The following IRAK3 variants were observed in gnomAD, a reference collection of about 807,000 sequenced individuals.
IRAK3 encodes interleukin-1 receptor-associated kinase 3.
In IRAK3, 57 loss-of-function variants were observed where a neutral mutation model predicts 56.6. That is an observed-to-expected ratio of 1.01 (90% CI 0.81 to 1.26). The LOEUF is 1.26. Ranked by LOEUF, IRAK3 falls within the 50% of genes most tolerant of loss-of-function variation. The pLI, the probability that IRAK3 is intolerant of heterozygous loss-of-function variation, is 0.00. For synonymous variants in IRAK3, 258 were observed against 255.7 expected, an observed-to-expected ratio of 1.01 and a Z score of -0.09; for missense variants, 703 against 719.0, an observed-to-expected ratio of 0.98 and a Z score of 0.25.
chr12:66,206,261 C>T (rs752057593), intron 2 of IRAK3, among the ~76,000 whole-genome samples: 1 of 152,124 alleles, frequency 6.6e-6, no homozygotes, highest in Non-Finnish European at 1.5e-5. Flanking sequence ...CTGGCTAGAA[C>T]CTTTAGCATG....
In IRAK3 at chr12:66,254,416, T is replaced by C. The variant is rs984497469; in HGVS notation, c.*6245T>C. 3 of 152,184 alleles carry C rather than the reference T, an allele frequency of 2.0e-5. No individual in the cohort carries two copies. The East Asian group carries it at 5.8e-4, about 29-fold the overall frequency. 9.4% of individuals were successfully genotyped at this position (152,184 alleles called of 1,614,324 possible). A position where few individuals can be genotyped will look rare whatever the true frequency, so the allele number is the denominator to read the frequency against. Reference sequence around the variant, plus strand: ...CAAAAAGTAGACTACAGGATATATGTTGAATATGAGCTCATTTATAACATT... The same window carrying C: ...CAAAAAGTAGACTACAGGATATATGCTGAATATGAGCTCATTTATAACATT... On this transcript the variant is annotated 3_prime_UTR_variant, in exon 12 of 12. Coordinates refer to ENST00000261233, the MANE Select transcript of IRAK3 (RefSeq NM_007199.3).
Position 66,244,503 on chromosome 12 carries a change from A to G in IRAK3, c.905A>G (p.Asp302Gly). 1 of 1,613,972 alleles carries G rather than the reference A, an allele frequency of 6.2e-7. No homozygotes were observed. The highest frequency in any genetic ancestry group is 8.5e-7 in the Non-Finnish European group (1 of 1,179,866). The change falls in exon 9 of 12, where the codon GAT becomes GGT. Residue 302 changes from aspartate (D) to glycine (G), a missense_variant. Asp to Gly is a moderately conservative substitution (Grantham distance 94, BLOSUM62 -1). Transcript: ENST00000261233. ...AATTTTAGTGCAAACATCCTTTTGG[A>G]TGATCAGTTTCAACCCAAACTAACT... is the stretch of plus-strand genomic sequence containing the variant. Reference protein sequence around the residue: ...GSISSANILLDDQFQPKLTDF... With the variant: ...GSISSANILLGDQFQPKLTDF...
At chr12:66,217,322 G>A (rs527912258) in intron 6 of IRAK3, 87 bp downstream of exon 6, 14 of 975,758 alleles carry the variant, frequency 1.4e-5, no homozygotes, top group Middle Eastern at 2.1e-4. Flanking sequence ...AGAGCTTGGC[G>A]TGACATGTAA....
intron 8 of IRAK3, among the ~76,000 whole-genome samples, chr12:66,232,756 T>C (rs1023338459): frequency 1.6e-4 from 24 of 152,174 alleles, no homozygotes; most frequent in African/African-American, 5.5e-4. Context: ...TCTAAATCTA[T>C]GTAAGGGAAG....
chr12:66,200,760 G>T (rs2052499264), intron 1 of IRAK3, among the ~76,000 whole-genome samples: 1 of 152,036 alleles, frequency 6.6e-6, no homozygotes, highest in Admixed American at 6.6e-5. Flanking sequence ...TATTATAACT[G>T]GTGTAGAAAC....
intron 5 of IRAK3, among the ~76,000 whole-genome samples, chr12:66,214,113 G>A (rs1382466077): frequency 1.3e-5 from 2 of 152,164 alleles, no homozygotes; most frequent in Non-Finnish European, 2.9e-5. Flanking sequence ...TATTAAGTCT[G>A]TGGGTGATTT....
At chr12:66,234,263 A>G (rs1041255112) in intron 8 of IRAK3, 4 of 1,613,302 alleles carry the variant, frequency 2.5e-6, no homozygotes, top group Non-Finnish European at 3.4e-6. Context: ...CAGATGACTC[A>G]TCTGCTGGGC....
intron 3 of IRAK3, 70 bp from the exon 4 acceptor site, chr12:66,210,077 T>A (rs2052596756): frequency 2.0e-6 from 2 of 1,008,466 alleles, no homozygotes; most frequent in Non-Finnish European, 3.2e-6. Context: ...GAGCTTTGGA[T>A]TTGTGTTGAG....
chr12:66,244,640 C>G lies in IRAK3; in HGVS notation c.1042C>G (p.Gln348Glu). 1 of 1,613,934 alleles carries G rather than the reference C, an allele frequency of 6.2e-7. No individual in the cohort carries two copies. Among genetic ancestry groups the G allele is most frequent in the Non-Finnish European group, 8.5e-7 (1 of 1,179,922 alleles). The change falls in exon 9 of 12, where the codon CAG becomes GAG. Residue 348 changes from glutamine (Q) to glutamate (E), a missense_variant. Physicochemically the swap from Gln to Glu is conservative, Grantham distance 29 (BLOSUM62 2). Coordinates refer to ENST00000261233, the MANE Select transcript of IRAK3 (RefSeq NM_007199.3). ...GTACATGCCAGAAGAGTACATCAGA[C>G]AGGGGAAACTTTCCATTAAAACAGA... ...LWYMPEEYIR[Q>E]GKLSIKTDVY...
chr12:66,217,285 C>A, intron 6 of IRAK3, 50 bp downstream of exon 6: 1 of 1,322,956 alleles, frequency 7.6e-7, no homozygotes, highest in Non-Finnish European at 1.1e-6. Flanking sequence ...TGGGTTTCAT[C>A]TCTGTTCATT....
intron 6 of IRAK3, among the ~76,000 whole-genome samples, chr12:66,223,340 T>C (rs2052754006): frequency 6.6e-6 from 1 of 152,156 alleles, no homozygotes; most frequent in Non-Finnish European, 1.5e-5. Flanking sequence ...CCAGATTTTA[T>C]GTTATAGTTT....
At chr12:66,224,149 A>G (rs2052763286) in intron 6 of IRAK3, among the ~76,000 whole-genome samples, 1 of 152,238 alleles carries the variant, frequency 6.6e-6, no homozygotes, top group Non-Finnish European at 1.5e-5. Flanking sequence ...CCCTGTTTCA[A>G]GTGCTTTACA....
chr12:66,242,337 A>G (rs1021445882), intron 8 of IRAK3, among the ~76,000 whole-genome samples: 11 of 152,174 alleles, frequency 7.2e-5, no homozygotes, highest in African/African-American at 2.4e-4. Context: ...CTCAGACTTG[A>G]TCTGATCCAT....
intron 1 of IRAK3, among the ~76,000 whole-genome samples, chr12:66,194,777 C>T (rs578101342): frequency 1.0e-4 from 15 of 149,452 alleles, no homozygotes; most frequent in East Asian, 2.0e-4. Context: ...TGCAGTGAGC[C>T]GGGATCACAC....
intron 8 of IRAK3, 95 bp downstream of exon 8, chr12:66,228,465 GGTAT>G: frequency 1.2e-6 from 1 of 852,672 alleles, no homozygotes; most frequent in East Asian, 2.4e-5. Context: ...TAGTTCTCCT[GGTAT>G]GTATGTGTGT....
intron 8 of IRAK3, among the ~76,000 whole-genome samples, chr12:66,237,808 G>C (rs1222311904): frequency 6.6e-6 from 1 of 152,218 alleles, no homozygotes; most frequent in Non-Finnish European, 1.5e-5. Context: ...AAGAATATGG[G>C]AGGATGTTTT....
chr12:66,225,527 G>A (rs2052777141), intron 6 of IRAK3, among the ~76,000 whole-genome samples: 2 of 152,026 alleles, frequency 1.3e-5, no homozygotes, highest in Middle Eastern at 3.4e-3. Flanking sequence ...TGAATAATAG[G>A]TTTTTATAAA....
chr12:66,250,366 AAAG>A lies in IRAK3; in HGVS notation c.*2201_*2203del, dbSNP rs774538668. 7 of 152,342 alleles carry A rather than the reference AAAG, an allele frequency of 4.6e-5. No individual in the cohort carries two copies. Among genetic ancestry groups the A allele is most frequent in the Non-Finnish European group, 8.8e-5 (6 of 68,026 alleles). 9.4% of individuals were successfully genotyped at this position (152,342 alleles called of 1,614,324 possible). ...ATTCCATGTTGAAGAACAACTAATC[AAAG>A]AAGAAAATCATCAGGAATCAGGGTG... On this transcript the variant is annotated 3_prime_UTR_variant, in exon 12 of 12. Transcript: ENST00000261233.
At chr12:66,217,988 A>G (rs1397399142) in intron 6 of IRAK3, among the ~76,000 whole-genome samples, 1 of 152,190 alleles carries the variant, frequency 6.6e-6, no homozygotes, top group Non-Finnish European at 1.5e-5. Flanking sequence ...CAAAATTGTA[A>G]TAGTAAAAAG....
Sources: gnomAD v4.1 joint callset for allele counts (sites outside exome capture counted in the v4.1 genomes callset) on GRCh38, gnomAD v4.1.1 for gene constraint, MANE v1.5 for transcripts, NCBI Gene and HGNC (gene_info 2026-07-23, HGNC 2026-07-21) for gene names.